Variants in PRSS23 observed in about 807,000 individuals in gnomAD.
PRSS23 encodes serine protease 23.
PRSS23 carries 25 observed loss-of-function variants against 34.7 expected under a neutral mutation model. The observed-to-expected ratio is 0.72, with a 90% CI of 0.53 to 1.01. The LOEUF is 1.01. Ranked by LOEUF, PRSS23 falls within the 50% of genes least tolerant of loss-of-function variation. The pLI is 0.00. For synonymous variants in PRSS23, 176 were observed against 186.6 expected (o/e 0.94, Z 0.46); for missense variants, 445 against 475.6 (o/e 0.94, Z 0.60).
chr11:86,824,374 T>A (rs200909818), intron 2 of PRSS23, among the ~76,000 whole-genome samples: 20 of 111,688 alleles, frequency 1.8e-4, no homozygotes, highest in South Asian at 8.8e-4. Context: ...ATAAAATAAA[T>A]AAAATAAAAA....
At chr11:86,805,888 A>T (rs1443873619) in intron 1 of PRSS23, among the ~76,000 whole-genome samples, 3 of 152,218 alleles carry the variant, frequency 2.0e-5, no homozygotes, top group Non-Finnish European at 2.9e-5. Context: ...GTTTCTTCCT[A>T]ACTTCTGCTG....
intron 2 of PRSS23, among the ~76,000 whole-genome samples, chr11:86,939,426 A>ATAT: frequency 5.3e-5 from 5 of 94,072 alleles, no homozygotes; most frequent in South Asian, 3.5e-4. Flanking sequence ...ATATATATAT[A>ATAT]TTTTTTAACA....
intron 2 of PRSS23, among the ~76,000 whole-genome samples, chr11:86,880,178 T>C (rs1948763429): frequency 1.3e-5 from 2 of 152,300 alleles, no homozygotes; most frequent in South Asian, 4.1e-4. Context: ...GCATGTGCTG[T>C]GTCCACTCAG....
chr11:86,899,279 G>A (rs1440420867), intron 2 of PRSS23, among the ~76,000 whole-genome samples: 1 of 152,128 alleles, frequency 6.6e-6, no homozygotes, highest in Admixed American at 6.5e-5. Context: ...AGAACTTTGG[G>A]AGGCTGAAGG....
chr11:86,915,378 GT>G (rs1018695737), intron 2 of PRSS23, among the ~76,000 whole-genome samples: 1 of 151,924 alleles, frequency 6.6e-6, no homozygotes, highest in Non-Finnish European at 1.5e-5. Context: ...ACTTGGGACA[GT>G]TTTTTATCCT....
intron 2 of PRSS23, among the ~76,000 whole-genome samples, chr11:86,851,094 G>A (rs1365459553): frequency 6.6e-6 from 1 of 152,208 alleles, no homozygotes; most frequent in African/African-American, 2.4e-5. Context: ...TAAGTAGAAA[G>A]GGTGGCATTC....
intron 1 of PRSS23, among the ~76,000 whole-genome samples, chr11:86,822,998 C>G (rs531588661): frequency 4.6e-5 from 7 of 152,302 alleles, no homozygotes; most frequent in African/African-American, 1.7e-4. Context: ...TACAGCTGAA[C>G]TGGAGCCACA....
chr11:86,826,673 A>G (rs999540172), intron 2 of PRSS23, among the ~76,000 whole-genome samples: 4 of 152,146 alleles, frequency 2.6e-5, no homozygotes, highest in African/African-American at 7.2e-5. Context: ...TCCCATCAAT[A>G]CCTAATTTAT....
intron 2 of PRSS23, among the ~76,000 whole-genome samples, chr11:86,866,935 A>G (rs1373560598): frequency 1.3e-5 from 2 of 152,182 alleles, no homozygotes; most frequent in Non-Finnish European, 1.5e-5. Flanking sequence ...CCAATCTTGA[A>G]CTTTCCAGCC....
chr11:86,931,111 T>C (rs1198668829), intron 2 of PRSS23, among the ~76,000 whole-genome samples: 4 of 152,184 alleles, frequency 2.6e-5, no homozygotes, highest in Non-Finnish European at 5.9e-5. Flanking sequence ...GAGAAATGAC[T>C]GGAGGAAGCA....
At chr11:86,942,726 GA>G (rs1555084365) in intron 2 of PRSS23, among the ~76,000 whole-genome samples, 1 of 152,018 alleles carries the variant, frequency 6.6e-6, no homozygotes, top group Non-Finnish European at 1.5e-5. Context: ...ATGACTGAAG[GA>G]AAAAAACAGG....
chr11:86,935,888 A>G (rs980689817), intron 2 of PRSS23: 1 of 152,186 alleles, frequency 6.6e-6, no homozygotes, highest in Non-Finnish European at 1.5e-5. Flanking sequence ...TGATATAAAA[A>G]TATGAGGCCC....
At chr11:86,866,019 A>G (rs1948647022) in intron 2 of PRSS23, among the ~76,000 whole-genome samples, 1 of 152,202 alleles carries the variant, frequency 6.6e-6, no homozygotes, top group South Asian at 2.1e-4. Flanking sequence ...TATTGCTGGA[A>G]CAAGAGACAA....
At chr11:86,832,655 G>C in intron 2 of PRSS23, 1 of 437,730 alleles carries the variant, frequency 2.3e-6, no homozygotes, top group South Asian at 1.8e-5. Flanking sequence ...CTTTCTGGGG[G>C]AAGATGACAC....
chr11:86,863,832 A>G (rs763044819), intron 2 of PRSS23, among the ~76,000 whole-genome samples: 1 of 152,202 alleles, frequency 6.6e-6, no homozygotes, highest in African/African-American at 2.4e-5. Context: ...ATAAATCCAA[A>G]TTTAATTCTG....
intron 2 of PRSS23, among the ~76,000 whole-genome samples, chr11:86,940,612 G>C (rs948828369): frequency 6.6e-6 from 1 of 152,020 alleles, no homozygotes; most frequent in Non-Finnish European, 1.5e-5. Context: ...AACTTTTGCC[G>C]ACTCCCCTGT....
intron 2 of PRSS23, among the ~76,000 whole-genome samples, chr11:86,941,969 TTATACA>T (rs1451422251): frequency 6.6e-6 from 1 of 152,182 alleles, no homozygotes; most frequent in Non-Finnish European, 1.5e-5. Flanking sequence ...CCTTCCTTCC[TTATACA>T]TATATTTTGA....
At chr11:86,830,809 G>A (rs928989970) in intron 2 of PRSS23, among the ~76,000 whole-genome samples, 4 of 152,030 alleles carry the variant, frequency 2.6e-5, no homozygotes, top group African/African-American at 9.7e-5. Flanking sequence ...ATCTCACTGG[G>A]TGTACACCCT....
chr11:86,845,080 C>G (rs1418906163), intron 2 of PRSS23, among the ~76,000 whole-genome samples: 1 of 149,016 alleles, frequency 6.7e-6, no homozygotes, highest in African/African-American at 2.5e-5. Context: ...AAGAGTGAAA[C>G]TCTGTCTCAG....
Sources: allele counts gnomAD v4.1 joint callset (sites outside exome capture counted in the v4.1 genomes callset), GRCh38; gene constraint gnomAD v4.1.1; transcripts MANE v1.5; gene names NCBI Gene and HGNC (gene_info 2026-07-23, HGNC 2026-07-21).